Variants in GLIS3 observed in about 807,000 individuals in gnomAD.
GLIS3 encodes zinc finger protein GLIS3.
Under a neutral mutation model 78.6 loss-of-function variants are expected in GLIS3, and 53 were observed. The ratio of observed to expected loss-of-function variants is 0.67; its 90% CI spans 0.54 to 0.85. The LOEUF (loss-of-function observed/expected upper bound fraction) is 0.85, where lower values mean the gene tolerates loss of function less well. Among genes scored for constraint, GLIS3 ranks in the 40% least tolerant of loss-of-function variants. The probability of loss-of-function intolerance (pLI) is 0.00; values close to 1 mark genes in which losing one functional copy is unlikely to be tolerated. For missense variants in GLIS3, 1,703 were observed against 1,231.1 expected, an observed-to-expected ratio of 1.38 and a Z score of -5.74; for synonymous variants, 684 against 509.9, an observed-to-expected ratio of 1.34 and a Z score of -4.60.
intron 4 of GLIS3, among the ~76,000 whole-genome samples, chr9:4,049,976 A>G (rs1027598856): frequency 4.6e-5 from 7 of 152,160 alleles, no homozygotes; most frequent in Non-Finnish European, 2.9e-5. Flanking sequence ...GTGGAGAAAT[A>G]GGAACACTTT....
At chr9:3,972,637 C>A (rs191087987) in intron 4 of GLIS3, among the ~76,000 whole-genome samples, 1 of 152,150 alleles carries the variant, frequency 6.6e-6, no homozygotes, top group East Asian at 1.9e-4. Context: ...GCACTTTTCT[C>A]CTTGTAAAAT....
chr9:3,858,534 C>G (rs1239387763), intron 8 of GLIS3, among the ~76,000 whole-genome samples: 1 of 151,950 alleles, frequency 6.6e-6, no homozygotes. Context: ...TTGCTTTTTC[C>G]TAATTCAGGC....
At chr9:4,291,180 C>G (rs1176753923) in intron 1 of GLIS3, among the ~76,000 whole-genome samples, 1 of 152,124 alleles carries the variant, frequency 6.6e-6, no homozygotes, top group East Asian at 1.9e-4. Context: ...TATATTTATT[C>G]TGAACACCAA....
At chr9:4,147,383 G>C (rs1025213405) in intron 2 of GLIS3, 2 of 152,126 alleles carry the variant, frequency 1.3e-5, no homozygotes, top group African/African-American at 4.8e-5. Flanking sequence ...TTTGGCCACT[G>C]ACATTTTAAA....
At chr9:4,455,070 G>A in the GLIS3 span, among the ~76,000 whole-genome samples, 1 of 152,216 alleles carries the variant, frequency 6.6e-6, no homozygotes, top group African/African-American at 2.4e-5. Flanking sequence ...ATAGGGCAAA[G>A]TAGAATTTAG....
chr9:4,243,034 T>C lies in GLIS3; in HGVS notation c.388+43004A>G, dbSNP rs903098573. Among the ~76,000 whole-genome samples, 4 of 152,282 alleles carry C rather than the reference T, an allele frequency of 2.6e-5. No homozygotes were observed. In the South Asian group the frequency reaches 8.3e-4, roughly 32 times the overall value. On this transcript the variant is annotated intron_variant, in intron 2 of 10. Transcript: ENST00000381971. ...ATGAGGTTTTAGTATATTCCAGATA[T>C]TCTACCATGATTAATCCTTCAACCA...
chr9:3,927,164 C>G (rs948570109), intron 6 of GLIS3, among the ~76,000 whole-genome samples: 2 of 152,188 alleles, frequency 1.3e-5, no homozygotes, highest in Non-Finnish European at 2.9e-5. Flanking sequence ...CTGTCTTATA[C>G]ACATTTGTAT....
intron 2 of GLIS3, among the ~76,000 whole-genome samples, chr9:4,211,954 A>G (rs576880602): frequency 6.6e-6 from 1 of 152,364 alleles, no homozygotes; most frequent in African/African-American, 2.4e-5. Context: ...AATTGTATGA[A>G]ATGCCCAGAA....
intron 4 of GLIS3, among the ~76,000 whole-genome samples, chr9:4,116,967 T>C (rs1398920274): frequency 6.6e-6 from 1 of 152,176 alleles, no homozygotes; most frequent in Non-Finnish European, 1.5e-5. Context: ...GGTGTGAAAT[T>C]GTTGTGAAAC....
chr9:4,398,990 T>G, the GLIS3 span, among the ~76,000 whole-genome samples: 1 of 152,192 alleles, frequency 6.6e-6, no homozygotes, highest in African/African-American at 2.4e-5. Flanking sequence ...CCCAGCCTGC[T>G]CAAGTTCTTA....
chr9:4,103,124 G>A (rs139259778), intron 4 of GLIS3, among the ~76,000 whole-genome samples: 2 of 152,114 alleles, frequency 1.3e-5, no homozygotes, highest in Non-Finnish European at 2.9e-5. Flanking sequence ...ACAAAGTTTT[G>A]TTCCCTAGCT....
chr9:4,363,762 G>C, the GLIS3 span, among the ~76,000 whole-genome samples: 3 of 152,102 alleles, frequency 2.0e-5, no homozygotes, highest in Non-Finnish European at 4.4e-5. Context: ...CATTTGTCTT[G>C]TCTGAAAATA....
At chr9:4,050,640 T>G (rs143012548) in intron 4 of GLIS3, among the ~76,000 whole-genome samples, 252 of 152,260 alleles carry the variant, frequency 1.7e-3, no homozygotes, top group African/African-American at 5.6e-3. Context: ...CGAGGAATGT[T>G]TGAAGAATGT....
At chr9:4,397,189 C>A in the GLIS3 span, among the ~76,000 whole-genome samples, 1 of 141,342 alleles carries the variant, frequency 7.1e-6, no homozygotes, top group African/African-American at 2.8e-5. Context: ...CTACGCCCGG[C>A]TAATTTTTTG....
At chr9:4,184,211 G>C (rs551247076) in intron 2 of GLIS3, among the ~76,000 whole-genome samples, 1 of 152,142 alleles carries the variant, frequency 6.6e-6, no homozygotes, top group Non-Finnish European at 1.5e-5. Flanking sequence ...GCAATGTGGA[G>C]GGCATGGCTT....
At chr9:4,265,790 T>G (rs576665065) in intron 2 of GLIS3, among the ~76,000 whole-genome samples, 4 of 152,318 alleles carry the variant, frequency 2.6e-5, no homozygotes, top group African/African-American at 4.8e-5. Flanking sequence ...CAGTATGAGT[T>G]TTCCCCTCTA....
intron 2 of GLIS3, among the ~76,000 whole-genome samples, chr9:4,168,174 C>T (rs1344886199): frequency 1.3e-5 from 2 of 152,042 alleles, no homozygotes; most frequent in African/African-American, 4.8e-5. Flanking sequence ...TCTTCTCTCT[C>T]TCTTACACAC....
chr9:4,113,439 G>C (rs1278956010), intron 4 of GLIS3, among the ~76,000 whole-genome samples: 2 of 152,068 alleles, frequency 1.3e-5, no homozygotes, highest in Admixed American at 1.3e-4. Context: ...CACCAATTTA[G>C]TCTCTCCAAC....
At chr9:4,183,625 A>G (rs919733619) in intron 2 of GLIS3, among the ~76,000 whole-genome samples, 4 of 152,194 alleles carry the variant, frequency 2.6e-5, no homozygotes, top group Admixed American at 2.0e-4. Flanking sequence ...TAAACTAAGG[A>G]CACTGATTAG....
Sources: gnomAD v4.1 joint callset for allele counts (sites outside exome capture counted in the v4.1 genomes callset) on GRCh38, gnomAD v4.1.1 for gene constraint, MANE v1.5 for transcripts, NCBI Gene and HGNC (gene_info 2026-07-23, HGNC 2026-07-21) for gene names.